The following CDH17 variants were observed in gnomAD, a reference collection of about 807,000 sequenced individuals.
CDH17 encodes the protein cadherin 17.
A neutral mutation model predicts 86.3 loss-of-function variants in CDH17; 67 were observed. That is an observed-to-expected ratio of 0.78 (90% CI 0.64 to 0.95). CDH17 has a LOEUF of 0.95. Ranked by LOEUF, CDH17 falls within the 40% of genes least tolerant of loss-of-function variation. The pLI is 0.00. For synonymous variants in CDH17, 367 were observed against 366.4 expected, an observed-to-expected ratio of 1.00 and a Z score of -0.02; for missense variants, 993 against 1,017.6, an observed-to-expected ratio of 0.98 and a Z score of 0.33.
At chr8:94,189,084 C>A (rs1377638818) in intron 3 of CDH17, 103 bp downstream of exon 3, 5 of 797,422 alleles carry the variant, frequency 6.3e-6, no homozygotes, top group Non-Finnish European at 1.1e-5. Context: ...AATGAGAATG[C>A]CATGCCTTTA....
chr8:94,136,500 A>T (rs955212999), intron 15 of CDH17, among the ~76,000 whole-genome samples: 1 of 152,124 alleles, frequency 6.6e-6, no homozygotes, highest in Non-Finnish European at 1.5e-5. Context: ...CAGGTCATTT[A>T]AGGTCTTCTC....
At chr8:94,171,272 G>C (rs1165806092) in intron 7 of CDH17, among the ~76,000 whole-genome samples, 2 of 152,126 alleles carry the variant, frequency 1.3e-5, no homozygotes, top group African/African-American at 4.8e-5. Context: ...AAGTCTGACT[G>C]TGAAAGCTTT....
chr8:94,151,894 G>A lies in CDH17; in HGVS notation c.1770C>T (p.Ala590=). 1.2e-6 allele frequency: 2 copies of A among 1,614,136 alleles called. No homozygotes were observed. ...AIGTKVGNVT[A]KDPEGLDISY... ...TTATGTCCAGACCTTCTGGATCCTT[G>A]GCAGTCACATTGCCCACTTTAGTGC... Residue 590 remains alanine, a synonymous_variant, in exon 13 of 18, where the codon GCC becomes GCT. Coordinates refer to ENST00000027335, the MANE Select transcript of CDH17 (RefSeq NM_004063.4).
At chr8:94,161,305 C>T (rs1330391774) in intron 11 of CDH17, among the ~76,000 whole-genome samples, 1 of 152,208 alleles carries the variant, frequency 6.6e-6, no homozygotes, top group African/African-American at 2.4e-5. Flanking sequence ...CCACCCCTAG[C>T]CCCCTCATAA....
rs769808340 is a variant in CDH17, at chr8:94,127,836, G to A, written c.*404C>T. ...AAATATCTAAGTAGGTGGGTGCAGT[G>A]GTTCATGCCTGTATTGGGAGACCAA... On this transcript the variant is annotated 3_prime_UTR_variant, in exon 18 of 18. Coordinates refer to ENST00000027335, the MANE Select transcript of CDH17 (RefSeq NM_004063.4). 1 of 180,308 alleles carries A rather than the reference G, an allele frequency of 5.5e-6. No individual in the cohort carries two copies. Among genetic ancestry groups the A allele is most frequent in the Non-Finnish European group, 1.2e-5 (1 of 85,834 alleles). The allele number at this position is 180,308 out of a possible 1,614,324, so 11.2% of individuals were successfully genotyped here. A position where few individuals can be genotyped will look rare whatever the true frequency, so the allele number is the denominator to read the frequency against.
intron 1 of CDH17, among the ~76,000 whole-genome samples, chr8:94,199,038 G>GATAT (rs869128612): frequency 5.5e-4 from 40 of 73,332 alleles, no homozygotes; most frequent in African/African-American, 1.4e-3. Context: ...AGTTCTGATT[G>GATAT]ATATATATAT....
At chr8:94,179,903 T>G (rs548197826) in intron 3 of CDH17, among the ~76,000 whole-genome samples, 1 of 152,338 alleles carries the variant, frequency 6.6e-6, no homozygotes, top group Non-Finnish European at 1.5e-5. Context: ...TTAAAATGTT[T>G]GGTTTTCAAC....
intron 17 of CDH17, among the ~76,000 whole-genome samples, chr8:94,129,930 CG>C (rs1336179545): frequency 6.6e-6 from 1 of 152,116 alleles, no homozygotes; most frequent in Non-Finnish European, 1.5e-5. Flanking sequence ...GATATCTCAT[CG>C]TGTATTTGCA....
At chr8:94,191,498 C>A (rs1442658743) in intron 2 of CDH17, among the ~76,000 whole-genome samples, 1 of 141,444 alleles carries the variant, frequency 7.1e-6, no homozygotes, top group South Asian at 2.2e-4. Context: ...GTTGCCTAGG[C>A]TGGAGTGCAG....
At chr8:94,174,415 C>A (rs1455176865) in intron 5 of CDH17, among the ~76,000 whole-genome samples, 155 bp from the exon 6 acceptor site, 1 of 152,138 alleles carries the variant, frequency 6.6e-6, no homozygotes, top group African/African-American at 2.4e-5. Context: ...ATCCCACTCC[C>A]CCCTTCCCTA....
Position 94,130,867 on chromosome 8 carries a change from A to T in CDH17, c.2284+9T>A. 1 of 1,579,582 alleles carries T rather than the reference A, an allele frequency of 6.3e-7. No homozygotes were observed. Among genetic ancestry groups the T allele is most frequent in the Non-Finnish European group, 8.7e-7 (1 of 1,148,462 alleles). On this transcript the variant is annotated intron_variant, in intron 16 of 17. Transcript: ENST00000027335. ...TACTAGCCTGAGTTGCCTATAGCAG[A>T]ATATCTACCTGGTAAAGAAACAATG...
intron 13 of CDH17, among the ~76,000 whole-genome samples, chr8:94,149,122 A>C (rs2340026): frequency 0.21 from 32,573 of 152,126 alleles, 3,625 homozygotes; most frequent in East Asian, 0.31. Context: ...GGATTTGTTC[A>C]TCCTTACAAT....
intron 5 of CDH17, among the ~76,000 whole-genome samples, chr8:94,175,789 T>G (rs1208783357): frequency 6.6e-6 from 1 of 152,064 alleles, no homozygotes; most frequent in African/African-American, 2.4e-5. Context: ...AGTGACAATA[T>G]CAATGGAGGT....
At position 94,170,512 on chromosome 8, in the gene CDH17, T is replaced by A. The variant is rs1813248335; in HGVS notation, c.951A>T (p.Gly317=). The part of the protein sequence containing the change: ...VFYAVAKDEY[G]KPLSYPLEIH... ...TTTCCAGCGGATATGAAAGTGGTTT[T>A]CCGTACTCATCCTTTGCAACTGCAT... is the stretch of plus-strand genomic sequence containing the variant. Residue 317 remains glycine (G), a synonymous_variant, in exon 9 of 18, where the codon GGA becomes GGT. Transcript: ENST00000027335. 6.2e-7 allele frequency: 1 copy of A among 1,613,968 alleles called. No homozygotes were observed. Among genetic ancestry groups the A allele is most frequent in the Non-Finnish European group, 8.5e-7 (1 of 1,179,884 alleles).
intron 12 of CDH17, among the ~76,000 whole-genome samples, chr8:94,153,748 T>A (rs1011139874): frequency 1.3e-5 from 2 of 152,186 alleles, no homozygotes; most frequent in African/African-American, 4.8e-5. Flanking sequence ...TCATTTGTGA[T>A]AACACGGATG....
intron 1 of CDH17, 102 bp from the exon 2 acceptor site, chr8:94,194,807 G>A: frequency 1.5e-6 from 1 of 663,960 alleles, no homozygotes; most frequent in South Asian, 1.9e-5. Flanking sequence ...TATAAATCTA[G>A]TAAAATGGTA....
At chr8:94,145,007 A>T (rs1237192874) in intron 15 of CDH17, among the ~76,000 whole-genome samples, 1 of 152,228 alleles carries the variant, frequency 6.6e-6, no homozygotes, top group Non-Finnish European at 1.5e-5. Context: ...TGAGCACAGC[A>T]AGTGCTGGGA....
intron 3 of CDH17, among the ~76,000 whole-genome samples, chr8:94,183,341 C>G (rs1813517823): frequency 6.6e-6 from 1 of 152,064 alleles, no homozygotes; most frequent in African/African-American, 2.4e-5. Context: ...TCAAAATTTA[C>G]TACAAAGGTG....
chr8:94,192,551 G>A lies in CDH17; in HGVS notation c.51+2084C>T, dbSNP rs117870791. Among the ~76,000 whole-genome samples, 1,058 of 152,224 alleles carry A rather than the reference G, an allele frequency of 7.0e-3. 5 individuals carry two copies. The highest frequency in any genetic ancestry group is 0.031 in the Middle Eastern group (9 of 294). On this transcript the variant is annotated intron_variant, in intron 2 of 17. Transcript: ENST00000027335. ...GAGCTACCTCCAGACCAGACCCAGC[G>A]CCATTGGACCACCAAGCCCCAACTC...
Sources: allele counts gnomAD v4.1 joint callset (sites outside exome capture counted in the v4.1 genomes callset), GRCh38; gene constraint gnomAD v4.1.1; transcripts MANE v1.5; gene names NCBI Gene and HGNC (gene_info 2026-07-23, HGNC 2026-07-21).